Variants in SLC30A7 observed in about 807,000 individuals in gnomAD.
SLC30A7 encodes the protein solute carrier family 30 member 7.
SLC30A7 carries 35 observed loss-of-function variants against 46.0 expected under a neutral mutation model. The observed-to-expected ratio is 0.76, with a 90% CI of 0.58 to 1.01. The LOEUF (loss-of-function observed/expected upper bound fraction) is 1.01, where lower values mean the gene tolerates loss of function less well. SLC30A7 is among the 50% of genes least tolerant of loss of function. The pLI, the probability that SLC30A7 is intolerant of heterozygous loss-of-function variation, is 0.00. For synonymous variants in SLC30A7, 147 were observed against 157.8 expected, an observed-to-expected ratio of 0.93 and a Z score of 0.51; for missense variants, 464 against 451.1, an observed-to-expected ratio of 1.03 and a Z score of -0.26.
chr1:100,922,998 G>C (rs1653040976), intron 8 of SLC30A7, among the ~76,000 whole-genome samples: 2 of 124,466 alleles, frequency 1.6e-5, no homozygotes, highest in Admixed American at 8.1e-5. Context: ...TAGTTTGTTA[G>C]AATAGATTTT....
intron 10 of SLC30A7, among the ~76,000 whole-genome samples, chr1:100,968,412 G>C (rs1292788420): frequency 2.0e-5 from 3 of 151,206 alleles, no homozygotes; most frequent in Non-Finnish European, 4.4e-5. Context: ...AGTGAGCTGA[G>C]AGCATGCCAT....
intron 2 of SLC30A7, among the ~76,000 whole-genome samples, chr1:100,903,271 C>T (rs1651426131): frequency 6.6e-6 from 1 of 151,950 alleles, no homozygotes; most frequent in Non-Finnish European, 1.5e-5. Flanking sequence ...CCATATTAAT[C>T]TTTTCTTGGG....
rs1654284560 is a variant in SLC30A7, at chr1:100,940,667, AT to A, written c.842+18831del. On this transcript the variant is annotated intron_variant, in intron 8 of 10. Coordinates refer to ENST00000357650, the MANE Select transcript of SLC30A7 (RefSeq NM_133496.5). ...CAAATTTAATGTGATTAATTAATTT[AT>A]TTTTAAAGACACATTCAGTGTCATG... Among the ~76,000 whole-genome samples the A allele has an allele frequency of 2.0e-5, 3 of 152,354 alleles. No individual in the cohort carries two copies. The South Asian group carries it at 6.2e-4, about 32-fold the overall frequency.
chr1:100,914,307 T>A (rs1000061912), intron 6 of SLC30A7, among the ~76,000 whole-genome samples: 1 of 152,160 alleles, frequency 6.6e-6, no homozygotes, highest in African/African-American at 2.4e-5. Context: ...CATTCAACTA[T>A]TTTTTTGTAC....
intron 2 of SLC30A7, among the ~76,000 whole-genome samples, chr1:100,900,951 C>T (rs1265353367): frequency 1.3e-5 from 2 of 152,094 alleles, no homozygotes; most frequent in South Asian, 2.1e-4. Context: ...TTTAATGGAC[C>T]TCATGTACCC....
rs78085480 is a variant in SLC30A7 at position 100,951,345 on chromosome 1, G to A, written c.843-10483G>A. ...AAAGGGAATCAGGTTAAAGGAATCA[G>A]AAAAGACAGAAAAATGCTAATCAGA... On this transcript the variant is annotated intron_variant, in intron 8 of 10. Transcript: ENST00000357650. 5.4e-3 allele frequency among the ~76,000 whole-genome samples: 820 copies of A among 152,196 alleles called. 2 individuals carry two copies. Among genetic ancestry groups the A allele is most frequent in the African/African-American group, 0.019 (797 of 41,514 alleles).
intron 8 of SLC30A7, among the ~76,000 whole-genome samples, chr1:100,946,416 T>A (rs896266175): frequency 3.3e-5 from 5 of 152,234 alleles, no homozygotes; most frequent in Non-Finnish European, 5.9e-5. Flanking sequence ...TGATATTGGC[T>A]GTGGGTTTGT....
At chr1:100,944,448 T>C (rs1654514700) in intron 8 of SLC30A7, among the ~76,000 whole-genome samples, 1 of 152,178 alleles carries the variant, frequency 6.6e-6, no homozygotes, top group African/African-American at 2.4e-5. Flanking sequence ...TTTAACTTAC[T>C]AGCTGCAAAA....
the SLC30A7 span, chr1:100,995,201 A>C: frequency 4.6e-6 from 6 of 1,314,616 alleles, no homozygotes; most frequent in Non-Finnish European, 6.5e-6. Context: ...TTTATCCAAA[A>C]CCCTATGTGT....
intron 8 of SLC30A7, among the ~76,000 whole-genome samples, chr1:100,933,594 G>A (rs1393808398): frequency 6.6e-6 from 1 of 151,964 alleles, no homozygotes; most frequent in Non-Finnish European, 1.5e-5. Context: ...AGGCCCCAGT[G>A]TGTGATGTTC....
At chr1:100,956,144 A>C (rs1033648090) in intron 8 of SLC30A7, among the ~76,000 whole-genome samples, 6 of 152,052 alleles carry the variant, frequency 3.9e-5, no homozygotes, top group African/African-American at 1.4e-4. Context: ...TATATCAGTG[A>C]TGATGTCTTA....
intron 2 of SLC30A7, among the ~76,000 whole-genome samples, chr1:100,905,301 T>G (rs1467375685): frequency 6.6e-6 from 1 of 152,054 alleles, no homozygotes; most frequent in Non-Finnish European, 1.5e-5. Context: ...TTTTTTTAAT[T>G]TAATTTTTCT....
rs536200763 is a variant in SLC30A7, at chr1:100,904,565, A to AT, written c.183-2279dup. ...TTTTTGGCTCTTTGTGTATTTTGAAATTTTTTTTATCAAATATTGGACATT... is the reference window on the plus strand; with the variant it reads ...TTTTTGGCTCTTTGTGTATTTTGAAATTTTTTTTTATCAAATATTGGACATT... On this transcript the variant is annotated intron_variant, in intron 2 of 10. Transcript: ENST00000357650. 2.1e-3 allele frequency among the ~76,000 whole-genome samples: 317 copies of AT among 151,916 alleles called. 4 individuals are homozygous for AT. Among genetic ancestry groups the AT allele is most frequent in the African/African-American group, 7.0e-3 (288 of 41,426 alleles).
intron 8 of SLC30A7, among the ~76,000 whole-genome samples, chr1:100,956,651 T>C (rs1157279803): frequency 3.3e-5 from 5 of 152,174 alleles, no homozygotes; most frequent in Non-Finnish European, 5.9e-5. Flanking sequence ...TCTAAAACAA[T>C]AAATTTTTAA....
chr1:100,935,048 C>G (rs542787901), intron 8 of SLC30A7, among the ~76,000 whole-genome samples: 1 of 152,280 alleles, frequency 6.6e-6, no homozygotes, highest in South Asian at 2.1e-4. Flanking sequence ...ATTTTTAGCT[C>G]ATATTTGAAG....
At chr1:100,908,900 G>A (rs1651889387) in intron 3 of SLC30A7, among the ~76,000 whole-genome samples, 1 of 151,998 alleles carries the variant, frequency 6.6e-6, no homozygotes, top group African/African-American at 2.4e-5. Context: ...AATTTAGAAT[G>A]TATTGTCTCC....
At chr1:100,983,967 A>G (rs1657128778), downstream of SLC30A7, among the ~76,000 whole-genome samples, 1 of 152,210 alleles carries the variant, frequency 6.6e-6, no homozygotes, top group Non-Finnish European at 1.5e-5. Context: ...CTGTATGTGC[A>G]TCATACTACT....
chr1:100,964,741 G>C (rs1457497342), intron 9 of SLC30A7, among the ~76,000 whole-genome samples: 2 of 152,138 alleles, frequency 1.3e-5, no homozygotes, highest in Non-Finnish European at 2.9e-5. Flanking sequence ...TTTTCAACCA[G>C]GTTATTTCAT....
intron 6 of SLC30A7, among the ~76,000 whole-genome samples, chr1:100,916,180 A>G (rs555789377): frequency 6.7e-6 from 1 of 150,268 alleles, no homozygotes; most frequent in Non-Finnish European, 1.5e-5. Context: ...GTATATTCTT[A>G]TTATTTATTT....
Sources: gnomAD v4.1 joint callset for allele counts (sites outside exome capture counted in the v4.1 genomes callset) on GRCh38, gnomAD v4.1.1 for gene constraint, MANE v1.5 for transcripts, NCBI Gene and HGNC (gene_info 2026-07-23, HGNC 2026-07-21) for gene names.